ZFPM2: variants seen among roughly 807,000 people sequenced by gnomAD.
ZFPM2 encodes zinc finger protein ZFPM2.
A neutral mutation model predicts 98.6 loss-of-function variants in ZFPM2; 20 were observed. The observed-to-expected ratio is 0.20, with a 90% CI of 0.14 to 0.29. The LOEUF (loss-of-function observed/expected upper bound fraction) is 0.29. ZFPM2 is among the 10% of genes least tolerant of loss of function. The pLI, the probability that ZFPM2 is intolerant of heterozygous loss-of-function variation, is 1.00. For missense variants in ZFPM2, 1,310 were observed against 1,388.6 expected (o/e 0.94, Z 0.90); for synonymous variants, 518 against 502.7 (o/e 1.03, Z -0.41).
chr8:105,504,280 T>C (rs1232844760), intron 3 of ZFPM2, among the ~76,000 whole-genome samples: 1 of 152,074 alleles, frequency 6.6e-6, no homozygotes, highest in Non-Finnish European at 1.5e-5. Flanking sequence ...TGACTGAGAG[T>C]TGATAAGCAG....
At chr8:105,748,067 C>A (rs1241492053) in intron 5 of ZFPM2, among the ~76,000 whole-genome samples, 2 of 152,030 alleles carry the variant, frequency 1.3e-5, no homozygotes, top group African/African-American at 4.8e-5. Flanking sequence ...TGTGCTTGAA[C>A]AATGCTTTCA....
chr8:105,793,839 G>A (rs188954514), intron 6 of ZFPM2, among the ~76,000 whole-genome samples: 12 of 134,768 alleles, frequency 8.9e-5, no homozygotes, highest in East Asian at 2.1e-4. Flanking sequence ...ATCTTCCATC[G>A]CTGATACCCT....
chr8:105,751,024 A>AT (rs1812463982), intron 5 of ZFPM2, among the ~76,000 whole-genome samples: 1 of 152,030 alleles, frequency 6.6e-6, no homozygotes, highest in African/African-American at 2.4e-5. Context: ...TACAAGGTAG[A>AT]TTTTCCAATC....
chr8:105,775,564 T>C (rs571749065), intron 5 of ZFPM2, among the ~76,000 whole-genome samples: 4 of 152,152 alleles, frequency 2.6e-5, no homozygotes, highest in Non-Finnish European at 5.9e-5. Context: ...TACATCAGTT[T>C]ATTGCAAATT....
intron 1 of ZFPM2, among the ~76,000 whole-genome samples, chr8:105,381,319 G>T (rs540649315): frequency 5.6e-4 from 85 of 151,942 alleles, no homozygotes; most frequent in Admixed American, 1.9e-3. Flanking sequence ...TGGTGTATAT[G>T]TGCCACATTT....
intron 5 of ZFPM2, among the ~76,000 whole-genome samples, chr8:105,638,795 A>G (rs1816896614): frequency 6.6e-6 from 1 of 152,152 alleles, no homozygotes; most frequent in Non-Finnish European, 1.5e-5. Flanking sequence ...TGTCCATCAA[A>G]TAATTATTAT....
At chr8:105,538,570 T>C (rs1438600060) in intron 3 of ZFPM2, among the ~76,000 whole-genome samples, 15 of 152,190 alleles carry the variant, frequency 9.9e-5, no homozygotes, top group African/African-American at 3.4e-4. Flanking sequence ...GGCCAGGAGA[T>C]ACTTGAGACT....
chr8:105,572,900 T>C (rs538841757), intron 4 of ZFPM2, among the ~76,000 whole-genome samples: 1 of 152,356 alleles, frequency 6.6e-6, no homozygotes, highest in South Asian at 2.1e-4. Context: ...TGTATCACTT[T>C]CTATTTTTTA....
At chr8:105,789,483 A>G (rs1220603924) in intron 6 of ZFPM2, among the ~76,000 whole-genome samples, 1 of 152,118 alleles carries the variant, frequency 6.6e-6, no homozygotes, top group Non-Finnish European at 1.5e-5. Flanking sequence ...CCAGTCTATC[A>G]TTGTTGGACA....
intron 1 of ZFPM2, among the ~76,000 whole-genome samples, chr8:105,324,267 C>A (rs1471696198): frequency 6.6e-6 from 1 of 151,630 alleles, no homozygotes; most frequent in Non-Finnish European, 1.5e-5. Flanking sequence ...AATTGTCTAG[C>A]CTGTATCTAT....
chr8:105,735,835 G>A (rs941927795), intron 5 of ZFPM2, among the ~76,000 whole-genome samples: 3 of 151,900 alleles, frequency 2.0e-5, no homozygotes, highest in Admixed American at 6.6e-5. Flanking sequence ...TCTCAGATAT[G>A]TGTACTCAGT....
chr8:105,403,411 A>T (rs1179395776), intron 1 of ZFPM2, among the ~76,000 whole-genome samples: 1 of 151,796 alleles, frequency 6.6e-6, no homozygotes, highest in South Asian at 2.1e-4. Flanking sequence ...CACTAATTCA[A>T]TTTTTCTGCA....
chr8:105,786,489 CTTTCT>C (rs1272645259), intron 5 of ZFPM2, among the ~76,000 whole-genome samples: 8 of 152,174 alleles, frequency 5.3e-5, no homozygotes, highest in African/African-American at 1.4e-4. Context: ...AGATAACTGA[CTTTCT>C]TTTCAAGTCC....
chr8:105,542,006 G>A (rs903452575), intron 3 of ZFPM2, among the ~76,000 whole-genome samples: 4 of 151,854 alleles, frequency 2.6e-5, no homozygotes, highest in Admixed American at 2.6e-4. Flanking sequence ...GTATATATGG[G>A]AAAATAAGTA....
intron 3 of ZFPM2, among the ~76,000 whole-genome samples, chr8:105,549,520 T>TTCCTTCCTTCC (rs1227906819): frequency 1.0e-5 from 1 of 96,244 alleles, no homozygotes; most frequent in East Asian, 3.5e-4. Flanking sequence ...CCCTCCCATC[T>TTCCTTCCTTCC]TCCTTCCTTC....
At chr8:105,697,274 G>T (rs1011430866) in intron 5 of ZFPM2, among the ~76,000 whole-genome samples, 6 of 152,194 alleles carry the variant, frequency 3.9e-5, no homozygotes, top group Non-Finnish European at 7.4e-5. Context: ...TATTATAAAT[G>T]CTGAAAGATT....
At chr8:105,572,686 C>T (rs141601622) in intron 4 of ZFPM2, among the ~76,000 whole-genome samples, 460 of 151,798 alleles carry the variant, frequency 3.0e-3, no homozygotes, top group African/African-American at 0.011. Context: ...AGGCTGGTCT[C>T]GAAGAACTCC....
At chr8:105,423,252 G>T (rs1003872360) in intron 2 of ZFPM2, among the ~76,000 whole-genome samples, 1 of 152,124 alleles carries the variant, frequency 6.6e-6, no homozygotes, top group Admixed American at 6.5e-5. Flanking sequence ...AGATACCCTT[G>T]TTATAGTTGC....
chr8:105,696,383 G>A (rs1183529757), intron 5 of ZFPM2, among the ~76,000 whole-genome samples: 1 of 152,068 alleles, frequency 6.6e-6, no homozygotes. Flanking sequence ...GTAATAAAGT[G>A]TGACTCTCAT....
Sources: allele counts gnomAD v4.1 joint callset (sites outside exome capture counted in the v4.1 genomes callset), GRCh38; gene constraint gnomAD v4.1.1; transcripts MANE v1.5; gene names NCBI Gene and HGNC (gene_info 2026-07-23, HGNC 2026-07-21).